RIMS2: variants seen among roughly 807,000 people sequenced by gnomAD.
RIMS2 encodes the protein regulating synaptic membrane exocytosis 2, also known as regulating synaptic membrane exocytosis protein 2.
RIMS2 carries 59 observed loss-of-function variants against 174.4 expected under a neutral mutation model. The ratio of observed to expected loss-of-function variants is 0.34; its 90% CI spans 0.27 to 0.42. RIMS2 has a LOEUF of 0.42. Among genes scored for constraint, RIMS2 ranks in the 10% least tolerant of loss-of-function variants. The probability of loss-of-function intolerance (pLI) is 1.00; values close to 1 mark genes in which losing one functional copy is unlikely to be tolerated. For synonymous variants in RIMS2, 606 were observed against 572.5 expected (o/e 1.06, Z -0.84); for missense variants, 1,620 against 1,666.3 (o/e 0.97, Z 0.48).
chr8:103,582,372 A>G (rs1407318335), intron 1 of RIMS2, among the ~76,000 whole-genome samples: 1 of 152,142 alleles, frequency 6.6e-6, no homozygotes, highest in Non-Finnish European at 1.5e-5. Flanking sequence ...TGTGGTGGCT[A>G]TGGGGAAAAA....
chr8:104,143,552 A>C (rs2098603208), intron 19 of RIMS2, among the ~76,000 whole-genome samples: 1 of 152,226 alleles, frequency 6.6e-6, no homozygotes, highest in Admixed American at 6.5e-5. Context: ...AGTAGGAAGA[A>C]AAAGGAAGTA....
At chr8:103,723,334 G>C (rs2097480550) in intron 2 of RIMS2, among the ~76,000 whole-genome samples, 1 of 152,194 alleles carries the variant, frequency 6.6e-6, no homozygotes, top group Non-Finnish European at 1.5e-5. Flanking sequence ...AGCTCTTCTT[G>C]TTCTCTTTAC....
intron 1 of RIMS2, among the ~76,000 whole-genome samples, chr8:103,517,985 C>T (rs1829832057): frequency 6.6e-6 from 1 of 151,734 alleles, no homozygotes; most frequent in Non-Finnish European, 1.5e-5. Flanking sequence ...TGTTGGGCCA[C>T]ATTCAAAGCT....
intron 1 of RIMS2, among the ~76,000 whole-genome samples, chr8:103,665,138 C>T (rs543248817): frequency 6.6e-6 from 1 of 152,226 alleles, no homozygotes; most frequent in Admixed American, 6.5e-5. Flanking sequence ...GCATGGGAGC[C>T]TGGGGGAGGG....
At chr8:103,903,468 T>C (rs1461005680) in intron 4 of RIMS2, among the ~76,000 whole-genome samples, 1 of 152,178 alleles carries the variant, frequency 6.6e-6, no homozygotes, top group African/African-American at 2.4e-5. Context: ...CTTAATGTAA[T>C]GACTGTATGA....
At chr8:103,610,214 G>T (rs1226834110) in intron 1 of RIMS2, among the ~76,000 whole-genome samples, 1 of 152,172 alleles carries the variant, frequency 6.6e-6, no homozygotes, top group African/African-American at 2.4e-5. Flanking sequence ...TTGTTTATCA[G>T]ACCAAGGTGC....
intron 17 of RIMS2, among the ~76,000 whole-genome samples, chr8:104,001,160 G>A (rs1425657546): frequency 6.6e-6 from 1 of 151,746 alleles, no homozygotes; most frequent in East Asian, 1.9e-4. Context: ...ATAAAATCTA[G>A]TGTTCAATAG....
In RIMS2 at chr8:103,684,609, C is replaced by G. The variant is rs1041052652; in HGVS notation, c.177-12477C>G. Among the ~76,000 whole-genome samples, 6 of 122,874 alleles carry G rather than the reference C, an allele frequency of 4.9e-5. No homozygotes were observed. In the East Asian group the frequency reaches 1.3e-3, roughly 26 times the overall value. 80.6% of individuals were successfully genotyped at this position (122,874 alleles called of 152,430 possible). ...ATTTTATTTTATTTTATTTTTGAGA[C>G]AGACTCTCGCTCTATCCCCCAGGTT... On this transcript the variant is annotated intron_variant, in intron 1 of 23. Transcript: ENST00000504942.
At chr8:104,116,174 A>G (rs1221728774) in intron 19 of RIMS2, among the ~76,000 whole-genome samples, 1 of 152,204 alleles carries the variant, frequency 6.6e-6, no homozygotes, top group Non-Finnish European at 1.5e-5. Flanking sequence ...TTTGGTGGTT[A>G]ATAATTTCAC....
At chr8:103,747,248 C>A (rs1166779652) in intron 2 of RIMS2, among the ~76,000 whole-genome samples, 1 of 127,696 alleles carries the variant, frequency 7.8e-6, no homozygotes, top group Non-Finnish European at 1.6e-5. Context: ...CCCCCTCCCC[C>A]CACCCCACAA....
chr8:103,927,163 T>C (rs1434777602), intron 10 of RIMS2, among the ~76,000 whole-genome samples: 1 of 151,424 alleles, frequency 6.6e-6, no homozygotes, highest in Non-Finnish European at 1.5e-5. Flanking sequence ...CATTAATAGG[T>C]GTGATTAGCA....
intron 3 of RIMS2, among the ~76,000 whole-genome samples, chr8:103,843,013 A>G (rs952138533): frequency 6.6e-6 from 1 of 152,140 alleles, no homozygotes; most frequent in Non-Finnish European, 1.5e-5. Flanking sequence ...TTATAAGTAT[A>G]CTAGTTAGAT....
intron 2 of RIMS2, among the ~76,000 whole-genome samples, chr8:103,740,252 A>C (rs185037924): frequency 1.3e-5 from 2 of 152,302 alleles, no homozygotes; most frequent in South Asian, 2.1e-4. Context: ...GGGAACGTGA[A>C]ATGTATTTTC....
intron 5 of RIMS2, among the ~76,000 whole-genome samples, chr8:103,911,000 C>T (rs541360084): frequency 1.3e-5 from 2 of 152,058 alleles, no homozygotes; most frequent in South Asian, 4.1e-4. Flanking sequence ...CTTTCACTGT[C>T]ATTTTGGTCT....
intron 3 of RIMS2, among the ~76,000 whole-genome samples, chr8:103,875,561 T>G (rs1371203369): frequency 6.6e-6 from 1 of 152,054 alleles, no homozygotes; most frequent in African/African-American, 2.4e-5. Flanking sequence ...TAAATTGTAC[T>G]GTGATAAACG....
chr8:103,787,170 C>T (rs1217716541), intron 3 of RIMS2, among the ~76,000 whole-genome samples: 129 of 147,938 alleles, frequency 8.7e-4, no homozygotes, highest in African/African-American at 3.1e-3. Flanking sequence ...TGTGTCTCTG[C>T]ACATGAGATG....
At chr8:104,205,507 G>GTA (rs1246689848) in intron 19 of RIMS2, among the ~76,000 whole-genome samples, 3 of 152,028 alleles carry the variant, frequency 2.0e-5, no homozygotes, top group Non-Finnish European at 4.4e-5. Flanking sequence ...GTGTGTGTGT[G>GTA]TGTGCGCGCA....
intron 4 of RIMS2, among the ~76,000 whole-genome samples, chr8:103,906,045 C>T (rs1000554486): frequency 2.0e-5 from 3 of 152,068 alleles, no homozygotes; most frequent in Admixed American, 6.6e-5. Context: ...TATCTTAGTT[C>T]TGTACTATTA....
intron 2 of RIMS2, among the ~76,000 whole-genome samples, chr8:103,718,003 A>C (rs1045956683): frequency 6.6e-6 from 1 of 151,582 alleles, no homozygotes; most frequent in East Asian, 1.9e-4. Context: ...AAGTCTAGAC[A>C]GCAAATTCTA....
Sources: allele counts gnomAD v4.1 joint callset (sites outside exome capture counted in the v4.1 genomes callset), GRCh38; gene constraint gnomAD v4.1.1; transcripts MANE v1.5; gene names NCBI Gene and HGNC (gene_info 2026-07-23, HGNC 2026-07-21).